The following ZNF423 variants were observed in gnomAD, a reference collection of about 807,000 sequenced individuals.
ZNF423 encodes the protein Ebf-associated zinc finger protein.
ZNF423 carries 12 observed loss-of-function variants against 95.8 expected under a neutral mutation model. The ratio of observed to expected loss-of-function variants is 0.13; its 90% CI spans 0.08 to 0.20. ZNF423 has a LOEUF of 0.20. ZNF423 is among the 10% of genes least tolerant of loss of function. The pLI, the probability that ZNF423 is intolerant of heterozygous loss-of-function variation, is 1.00. For missense variants in ZNF423, 1,316 were observed against 1,737.1 expected (o/e 0.76, Z 4.31); for synonymous variants, 749 against 711.9 (o/e 1.05, Z -0.83).
intron 5 of ZNF423, among the ~76,000 whole-genome samples, chr16:49,544,289 C>T (rs911446889): frequency 3.3e-5 from 5 of 152,166 alleles, no homozygotes; most frequent in South Asian, 4.1e-4. Flanking sequence ...CCACTGGGTT[C>T]GACTTCTCGA....
At chr16:49,730,543 G>A (rs1478524658) in intron 3 of ZNF423, 4 of 579,012 alleles carry the variant, frequency 6.9e-6, no homozygotes, top group African/African-American at 1.9e-5. Context: ...GGGAGAGGGG[G>A]CCGGGACAGA....
intron 2 of ZNF423, among the ~76,000 whole-genome samples, chr16:49,751,870 T>G (rs1299695538): frequency 6.6e-6 from 1 of 152,100 alleles, no homozygotes; most frequent in African/African-American, 2.4e-5. Flanking sequence ...CCACAGTCTG[T>G]TTTTCTTCCT....
intron 5 of ZNF423, among the ~76,000 whole-genome samples, chr16:49,548,454 G>A (rs1440085570): frequency 6.6e-6 from 1 of 152,100 alleles, no homozygotes; most frequent in Non-Finnish European, 1.5e-5. Flanking sequence ...TAAATCTGAT[G>A]CGGATTTAGA....
chr16:49,660,975 C>T (rs1288933418), intron 3 of ZNF423, among the ~76,000 whole-genome samples: 3 of 152,120 alleles, frequency 2.0e-5, no homozygotes, highest in African/African-American at 7.2e-5. Context: ...AATCCCAGCA[C>T]TTTGGGAGGC....
intron 1 of ZNF423, among the ~76,000 whole-genome samples, chr16:49,824,133 A>T (rs1415504505): frequency 6.6e-6 from 1 of 152,090 alleles, no homozygotes; most frequent in Non-Finnish European, 1.5e-5. Context: ...GGTTTAGATT[A>T]TTAGTGTCAA....
intron 1 of ZNF423, among the ~76,000 whole-genome samples, chr16:49,852,055 C>T (rs1045285289): frequency 6.6e-6 from 1 of 152,186 alleles, no homozygotes. Flanking sequence ...AATCGAGAAA[C>T]CTGTAACCTC....
chr16:49,618,497 G>T (rs1461577990), intron 5 of ZNF423, among the ~76,000 whole-genome samples: 2 of 152,120 alleles, frequency 1.3e-5, no homozygotes, highest in East Asian at 3.9e-4. Flanking sequence ...CACAAGATCT[G>T]ATGGTTTCAT....
At chr16:49,700,831 G>A (rs568210642) in intron 3 of ZNF423, among the ~76,000 whole-genome samples, 21 of 152,114 alleles carry the variant, frequency 1.4e-4, no homozygotes, top group African/African-American at 4.6e-4. Flanking sequence ...TCTCACCAAG[G>A]GGGGAAAATG....
At chr16:49,568,203 A>G (rs1342553232) in intron 5 of ZNF423, among the ~76,000 whole-genome samples, 2 of 152,180 alleles carry the variant, frequency 1.3e-5, no homozygotes, top group African/African-American at 4.8e-5. Flanking sequence ...GCCAATTGTA[A>G]GAATTTTCTG....
At chr16:49,832,620 A>T (rs1399667860) in intron 1 of ZNF423, among the ~76,000 whole-genome samples, 2 of 152,244 alleles carry the variant, frequency 1.3e-5, no homozygotes, top group Non-Finnish European at 2.9e-5. Flanking sequence ...ATGACAGGTC[A>T]GAACAGAGCA....
chr16:49,676,074 G>A (rs2031033768), intron 3 of ZNF423, among the ~76,000 whole-genome samples: 1 of 152,328 alleles, frequency 6.6e-6, no homozygotes, highest in South Asian at 2.1e-4. Flanking sequence ...CATCAGCCAT[G>A]GTTAGTAAAT....
rs1393387101 is a variant in ZNF423 at position 49,855,241 on chromosome 16, G to A, written c.40+494C>T. Among the ~76,000 whole-genome samples the A allele has an allele frequency of 6.7e-6, 1 of 148,406 alleles. No homozygotes were observed. The highest frequency in any genetic ancestry group is 1.5e-5 in the Non-Finnish European group (1 of 66,480). On this transcript the variant is annotated intron_variant, in intron 1 of 7. Coordinates refer to ENST00000563137, the MANE Select transcript of ZNF423 (RefSeq NM_001379286.1). The surrounding 1 kb of genome is among the most constrained non-coding windows in gnomAD (Gnocchi z 4.7). ...TCCTCGGGCGACCAGGCAGGGGCCA[G>A]AGAGAGCCAGCGAGGCCCGGGGCCA...
At chr16:49,738,213 C>T (rs979558343) in intron 2 of ZNF423, among the ~76,000 whole-genome samples, 4 of 152,202 alleles carry the variant, frequency 2.6e-5, no homozygotes, top group South Asian at 2.1e-4. Flanking sequence ...TTCATCTTGG[C>T]GGCCTCAAAG....
chr16:49,636,212 G>A lies in ZNF423; in HGVS notation c.2964C>T (p.Thr988=). 2 of 1,613,246 alleles carry A rather than the reference G, an allele frequency of 1.2e-6. No homozygotes were observed. Among genetic ancestry groups the A allele is most frequent in the Non-Finnish European group, 1.7e-6 (2 of 1,179,988 alleles). The change falls in exon 4 of 8, where the codon ACC becomes ACT. Residue 988 remains threonine (T), a synonymous_variant. Transcript: ENST00000563137. The surrounding 1 kb of genome is among the most constrained non-coding windows in gnomAD (Gnocchi z 8.6). ...TGCCCGTGTCCAGGCTCTTGCTGTG[G>A]GTCACCTTGTGTTCGGTGAGCGTCA... The part of the protein sequence containing the change: ...SLLTLTEHKV[T]HSKSLDTGTC...
rs971092642 is a variant in ZNF423 at position 49,490,704 on chromosome 16, T to C, written c.*571A>G. 1.9e-5 allele frequency: 3 copies of C among 155,380 alleles called. No homozygotes were observed. The highest frequency in any genetic ancestry group is 2.9e-5 in the Non-Finnish European group (2 of 69,704). The allele number at this position is 155,380 out of a possible 1,614,324, so 9.6% of individuals were successfully genotyped here. A position where few individuals can be genotyped will look rare whatever the true frequency, so the allele number is the denominator to read the frequency against. On this transcript the variant is annotated 3_prime_UTR_variant, in exon 8 of 8. Coordinates refer to ENST00000563137, the MANE Select transcript of ZNF423 (RefSeq NM_001379286.1). ...CATCCAGTTGCACTGAAACCGATTA[T>C]ATTCATTACATAGTTTTAATCACTG...
At chr16:49,823,960 T>C (rs958153359) in intron 1 of ZNF423, among the ~76,000 whole-genome samples, 1 of 152,122 alleles carries the variant, frequency 6.6e-6, no homozygotes, top group Non-Finnish European at 1.5e-5. Context: ...TACACACCTG[T>C]AGTCCCAAGC....
chr16:49,669,069 T>C (rs548008948), intron 3 of ZNF423, among the ~76,000 whole-genome samples: 10 of 152,108 alleles, frequency 6.6e-5, no homozygotes, highest in Middle Eastern at 3.4e-3. Flanking sequence ...GCAGCTCATG[T>C]CTGTAATCCT....
chr16:49,739,927 C>T (rs778175905), intron 2 of ZNF423, among the ~76,000 whole-genome samples: 3 of 151,924 alleles, frequency 2.0e-5, no homozygotes, highest in Non-Finnish European at 2.9e-5. Flanking sequence ...GGCACAATCT[C>T]GGCTCACTGC....
intron 2 of ZNF423, among the ~76,000 whole-genome samples, chr16:49,781,724 C>T (rs1217582389): frequency 6.6e-6 from 1 of 152,216 alleles, no homozygotes; most frequent in Non-Finnish European, 1.5e-5. Flanking sequence ...AACCTCGGGG[C>T]AAAGGACTGC....
Sources: allele counts gnomAD v4.1 joint callset (sites outside exome capture counted in the v4.1 genomes callset), GRCh38; gene constraint gnomAD v4.1.1; non-coding constraint Gnocchi (gnomAD v3.1); transcripts MANE v1.5; gene names NCBI Gene and HGNC (gene_info 2026-07-23, HGNC 2026-07-21).